Variants in RAB40C observed in about 807,000 individuals in gnomAD.
RAB40C encodes RAB40C, member RAS oncogene family, also known as ras-related protein Rab-40C.
RAB40C carries 8 observed loss-of-function variants against 28.1 expected under a neutral mutation model. The observed-to-expected ratio is 0.28, with a 90% CI of 0.17 to 0.51. The LOEUF (loss-of-function observed/expected upper bound fraction) is 0.51, where lower values mean the gene tolerates loss of function less well. RAB40C is among the 20% of genes least tolerant of loss of function. RAB40C has a pLI of 0.97. For synonymous variants in RAB40C, 201 were observed against 171.7 expected (o/e 1.17, Z -1.34); for missense variants, 288 against 405.9 (o/e 0.71, Z 2.50).
rs1459937324 is a variant in RAB40C at position 627,326 on chromosome 16, C to G, written c.566-16C>G. Reference sequence around the variant, plus strand: ...CCCCCACAGCCCCATGGTCTGACACCCCCTCTGCCCCACAGTGTTCAGCCT... The same window carrying G: ...CCCCCACAGCCCCATGGTCTGACACGCCCTCTGCCCCACAGTGTTCAGCCT... On this transcript the variant is annotated splice_polypyrimidine_tract_variant and intron_variant, in intron 5 of 5. Coordinates refer to ENST00000248139, the MANE Select transcript of RAB40C (RefSeq NM_021168.5). 1.2e-6 allele frequency: 2 copies of G among 1,607,080 alleles called. No homozygotes were observed. The highest frequency in any genetic ancestry group is 3.3e-5 in the Admixed American group (2 of 59,794).
chr16:626,249 G>T, intron 5 of RAB40C, 128 bp downstream of exon 5: 2 of 900,508 alleles, frequency 2.2e-6, no homozygotes, highest in South Asian at 3.1e-5. Context: ...GCGCAGTAGG[G>T]GCTCGGCCGG....
intron 3 of RAB40C, among the ~76,000 whole-genome samples, chr16:620,836 C>G (rs980806514): frequency 2.0e-5 from 3 of 151,758 alleles, no homozygotes; most frequent in South Asian, 4.2e-4. Context: ...GCCACCCCCC[C>G]CGACGGGCTC....
chr16:620,124 G>C (rs139280562), intron 3 of RAB40C, among the ~76,000 whole-genome samples: 1 of 152,358 alleles, frequency 6.6e-6, no homozygotes, highest in African/African-American at 2.4e-5. Flanking sequence ...GGCTGGTGCG[G>C]TGGTTCACGC....
chr16:621,940 C>T (rs376677697), intron 3 of RAB40C, among the ~76,000 whole-genome samples: 19 of 152,092 alleles, frequency 1.2e-4, no homozygotes, highest in East Asian at 1.9e-4. Context: ...TGAGTGGGCG[C>T]GGCTTGGCAG....
intron 1 of RAB40C, among the ~76,000 whole-genome samples, chr16:614,196 T>G (rs9745918): frequency 0.39 from 42,353 of 108,472 alleles, 6,987 homozygotes; most frequent in East Asian, 0.63. Context: ...ACCGCATCCC[T>G]ATGGTGAACT....
At chr16:601,222 T>C (rs1427835135) in intron 1 of RAB40C, among the ~76,000 whole-genome samples, 1 of 152,338 alleles carries the variant, frequency 6.6e-6, no homozygotes, top group East Asian at 1.9e-4. Context: ...TGATTTTTTG[T>C]GTGTTATCCA....
intron 1 of RAB40C, among the ~76,000 whole-genome samples, chr16:611,789 A>C (rs1417707071): frequency 1.1e-4 from 6 of 55,040 alleles, no homozygotes; most frequent in Non-Finnish European, 1.9e-4. Flanking sequence ...TGGCCTGTAG[A>C]ATCAAGAGCA....
intron 1 of RAB40C, among the ~76,000 whole-genome samples, chr16:595,382 G>A (rs548782745): frequency 6.6e-6 from 1 of 152,202 alleles, no homozygotes; most frequent in Admixed American, 6.5e-5. Context: ...CAGGCCTCCT[G>A]TGAAGCAGCG....
At chr16:627,290 C>T in intron 5 of RAB40C, 52 bp from the exon 6 acceptor site, 1 of 1,549,688 alleles carries the variant, frequency 6.5e-7, no homozygotes, top group South Asian at 1.2e-5. Flanking sequence ...TCTCCCTGCA[C>T]AGGGCCTCCT....
rs1445457916 is a variant in RAB40C at position 628,177 on chromosome 16, GC to G, written c.*558del. 5 of 152,556 alleles carry G rather than the reference GC, an allele frequency of 3.3e-5. No homozygotes were observed. Among genetic ancestry groups the G allele is most frequent in the Non-Finnish European group, 7.3e-5 (5 of 68,326 alleles). 9.5% of individuals were successfully genotyped at this position (152,556 alleles called of 1,614,324 possible). A position where few individuals can be genotyped will look rare whatever the true frequency, so the allele number is the denominator to read the frequency against. Reference sequence around the variant, plus strand: ...CCCTCTGGAAGCTTGGGTGACCGGGGCCCTGGCTCCCACGGGATGGAGGGTG... The same window carrying G: ...CCCTCTGGAAGCTTGGGTGACCGGGGCCTGGCTCCCACGGGATGGAGGGTG... On this transcript the variant is annotated 3_prime_UTR_variant, in exon 6 of 6. Coordinates refer to ENST00000248139, the MANE Select transcript of RAB40C (RefSeq NM_021168.5).
intron 1 of RAB40C, among the ~76,000 whole-genome samples, chr16:611,014 C>A (rs1453707629): frequency 6.6e-6 from 1 of 152,174 alleles, no homozygotes; most frequent in African/African-American, 2.4e-5. Context: ...TCATAGTCTT[C>A]TTACACTTTT....
chr16:600,369 G>A, intron 1 of RAB40C, among the ~76,000 whole-genome samples: 1 of 152,244 alleles, frequency 6.6e-6, no homozygotes, highest in Non-Finnish European at 1.5e-5. Flanking sequence ...CATAATAATA[G>A]TAATAGTAGC....
At chr16:622,749 C>A (rs1348471578) in intron 3 of RAB40C, among the ~76,000 whole-genome samples, 1 of 152,214 alleles carries the variant, frequency 6.6e-6, no homozygotes, top group Non-Finnish European at 1.5e-5. Flanking sequence ...CGTGATCCGC[C>A]TGCCTCGGCC....
intron 1 of RAB40C, among the ~76,000 whole-genome samples, chr16:600,829 G>A (rs751551123): frequency 2.0e-5 from 3 of 152,242 alleles, no homozygotes; most frequent in Non-Finnish European, 4.4e-5. Context: ...ATCAGCAAGC[G>A]GTGACTGCCC....
chr16:594,207 C>T (rs376689730), intron 1 of RAB40C, among the ~76,000 whole-genome samples: 1 of 152,202 alleles, frequency 6.6e-6, no homozygotes, highest in South Asian at 2.1e-4. Context: ...TGTGTGTGCC[C>T]GGGTCCTGGA....
intron 3 of RAB40C, chr16:624,061 G>C: frequency 6.1e-6 from 6 of 985,456 alleles, no homozygotes; most frequent in Non-Finnish European, 7.2e-6. Flanking sequence ...CATCTGCACG[G>C]TACATTTCAC....
At chr16:601,518 G>A (rs1477830029) in intron 1 of RAB40C, among the ~76,000 whole-genome samples, 3 of 152,144 alleles carry the variant, frequency 2.0e-5, no homozygotes, top group East Asian at 1.9e-4. Context: ...CCGCAGCCGC[G>A]TCAGCAGAGC....
Position 590,100 on chromosome 16 carries a change from G to C in RAB40C, c.-192G>C, listed in dbSNP as rs2035956474. On this transcript the variant is annotated 5_prime_UTR_variant, in exon 1 of 6. Coordinates refer to ENST00000248139, the MANE Select transcript of RAB40C (RefSeq NM_021168.5). ...CGGCCCTGGTGGTGCGGGAAGCGGC[G>C]GGGCGGCGGCGAGGCTGAGGTGCGC... The C allele has an allele frequency of 5.9e-6, 1 of 170,484 alleles. No homozygotes were observed. The highest frequency in any genetic ancestry group is 1.1e-5 in the Non-Finnish European group (1 of 87,536). The allele number at this position is 170,484 out of a possible 1,614,324, so 10.6% of individuals were successfully genotyped here.
intron 1 of RAB40C, among the ~76,000 whole-genome samples, chr16:611,361 G>A (rs181885357): frequency 1.3e-5 from 2 of 152,216 alleles, no homozygotes; most frequent in Admixed American, 6.5e-5. Flanking sequence ...TTGGCACGTC[G>A]AGGTGACCGT....
Sources: allele counts gnomAD v4.1 joint callset (sites outside exome capture counted in the v4.1 genomes callset), GRCh38; gene constraint gnomAD v4.1.1; transcripts MANE v1.5; gene names NCBI Gene and HGNC (gene_info 2026-07-23, HGNC 2026-07-21).